The following SP110 variants were observed in gnomAD, a reference collection of about 807,000 sequenced individuals.
The protein encoded by SP110 is SP110 nuclear body protein.
In SP110, 62 loss-of-function variants were observed where a neutral mutation model predicts 92.7. The ratio of observed to expected loss-of-function variants is 0.67; its 90% CI spans 0.55 to 0.83. SP110 has a LOEUF of 0.83. Among genes scored for constraint, SP110 ranks in the 40% least tolerant of loss-of-function variants. The pLI is 0.00. For missense variants in SP110, 793 were observed against 863.9 expected (o/e 0.92, Z 1.03); for synonymous variants, 273 against 305.3 (o/e 0.89, Z 1.10).
At chr2:230,216,689 C>T in intron 2 of SP110, 92 bp downstream of exon 2, 2 of 1,517,444 alleles carry the variant, frequency 1.3e-6, no homozygotes, top group South Asian at 2.3e-5. Context: ...CTTCCAAACT[C>T]TGGAAGCCCT....
At chr2:230,194,495 G>A (rs943067389) in intron 10 of SP110, among the ~76,000 whole-genome samples, 2 of 152,068 alleles carry the variant, frequency 1.3e-5, no homozygotes, top group Non-Finnish European at 2.9e-5. Context: ...AACAGAAAGG[G>A]AAGAGGGAGA....
upstream of SP110, among the ~76,000 whole-genome samples, chr2:230,224,450 A>AGAGGGAGAGGGAGGGAGAGG: frequency 1.2e-5 from 1 of 81,292 alleles, no homozygotes; most frequent in Non-Finnish European, 2.3e-5. Context: ...GGAGGGAGAG[A>AGAGGGAGAGGGAGGGAGAGG]GAGGGAGAGG....
intron 10 of SP110, among the ~76,000 whole-genome samples, chr2:230,186,487 T>C (rs2042364674): frequency 6.6e-6 from 1 of 151,512 alleles, no homozygotes; most frequent in Non-Finnish European, 1.5e-5. Context: ...TTTGAAAATA[T>C]TAAATGTATT....
chr2:230,222,845 T>G (rs1324173592), upstream of SP110, among the ~76,000 whole-genome samples: 8 of 151,288 alleles, frequency 5.3e-5, no homozygotes, highest in Non-Finnish European at 1.2e-4. Flanking sequence ...TTAAAGTTTT[T>G]TTTTTTTTTT....
At position 230,171,769 on chromosome 2, in the gene SP110, T is replaced by A. The variant is rs570960908; in HGVS notation, c.1816-2A>T. 144 of 1,608,148 alleles carry A rather than the reference T, an allele frequency of 9.0e-5. 2 individuals are homozygous for A. The South Asian group carries it at 1.4e-3, about 16-fold the overall frequency. On this transcript the variant is annotated splice_acceptor_variant, in intron 16 of 18. Transcript: ENST00000258381. LOFTEE classifies it high-confidence loss of function. The stretch of plus-strand genomic sequence containing the variant: ...CTTCAAGAGGAGGAACTCACATTTC[T>A]GTAAAATGTGAAGAGGGCTTGAAAG...
At chr2:230,208,114 A>T (rs749672134) in intron 7 of SP110, 55 bp from the exon 8 acceptor site, 8 of 993,378 alleles carry the variant, frequency 8.1e-6, no homozygotes, top group Non-Finnish European at 1.3e-5. Flanking sequence ...CCAATCTTGT[A>T]TGTCAATGAT....
rs368862360 is a variant in SP110 at position 230,172,827 on chromosome 2, G to T, written c.1706+17C>A. On this transcript the variant is annotated intron_variant, in intron 15 of 18. Transcript: ENST00000258381. Reference sequence around the variant, plus strand: ...GGTGAGTGCTGTGTGCCCGAGGCGGGGCTGCATCCCACTCACCTCTTGGCT... The same window carrying T: ...GGTGAGTGCTGTGTGCCCGAGGCGGTGCTGCATCCCACTCACCTCTTGGCT... 1.9e-5 allele frequency: 30 copies of T among 1,543,426 alleles called. No individual in the cohort carries two copies. Among genetic ancestry groups the T allele is most frequent in the Non-Finnish European group, 2.7e-5 (30 of 1,115,764 alleles).
intron 14 of SP110, among the ~76,000 whole-genome samples, chr2:230,175,895 G>A (rs2041834867): frequency 6.7e-6 from 1 of 149,592 alleles, no homozygotes; most frequent in African/African-American, 2.5e-5. Context: ...TTCATATACT[G>A]TTCCTGTCTA....
intron 9 of SP110, 44 bp from the exon 10 acceptor site, chr2:230,201,009 A>G (rs1027472092): frequency 4.1e-6 from 6 of 1,457,744 alleles, no homozygotes; most frequent in Non-Finnish European, 4.8e-6. Context: ...GGGAAACACC[A>G]TGGAGAATCT....
intron 8 of SP110, among the ~76,000 whole-genome samples, chr2:230,205,250 C>T (rs2043639498): frequency 6.6e-6 from 1 of 152,284 alleles, no homozygotes; most frequent in South Asian, 2.1e-4. Flanking sequence ...CTACAACAGG[C>T]TCCCAAGGGC....
At chr2:230,218,390 A>G (rs1342189283) in intron 1 of SP110, among the ~76,000 whole-genome samples, 5 of 152,208 alleles carry the variant, frequency 3.3e-5, no homozygotes, top group African/African-American at 9.7e-5. Context: ...AAAACAAGAA[A>G]AGATGCCATT....
At chr2:230,225,126 A>T (rs1471785227) in intron 1 of SP110, among the ~76,000 whole-genome samples, 1 of 152,190 alleles carries the variant, frequency 6.6e-6, no homozygotes, top group African/African-American at 2.4e-5. Flanking sequence ...TCTCCTCAAG[A>T]TTTCAGTGAA....
rs188029062 is a variant in SP110, at chr2:230,184,344, T to C, written c.1280-704A>G. On this transcript the variant is annotated intron_variant, in intron 11 of 18. Transcript: ENST00000258381. ...GGAGGAAGTAATGGGCATAAAGCAG[T>C]GGTTAACACTGGGTGATTTTGCTCT... 1.2e-4 allele frequency among the ~76,000 whole-genome samples: 19 copies of C among 152,202 alleles called. 1 individual carries two copies. The East Asian group carries it at 3.5e-3, about 28-fold the overall frequency.
chr2:230,209,825 A>G (rs2044273130), intron 7 of SP110, 106 bp downstream of exon 7: 2 of 775,712 alleles, frequency 2.6e-6, no homozygotes, highest in Non-Finnish European at 4.7e-6. Flanking sequence ...GTGTGGCATC[A>G]GGACTGTGGT....
chr2:230,199,501 G>A (rs1985603), intron 10 of SP110, among the ~76,000 whole-genome samples: 22,888 of 151,912 alleles, frequency 0.15, 2,126 homozygotes, highest in South Asian at 0.27. Flanking sequence ...GAGCCACTGT[G>A]CTGGGCCAGC....
At chr2:230,195,345 G>T (rs12474611) in intron 10 of SP110, among the ~76,000 whole-genome samples, 3 of 152,112 alleles carry the variant, frequency 2.0e-5, no homozygotes, top group East Asian at 1.9e-4. Flanking sequence ...CATTTAAAAA[G>T]TTTTTTGGGG....
chr2:230,213,219 G>A (rs1215256372), intron 3 of SP110, among the ~76,000 whole-genome samples, 192 bp from the exon 4 acceptor site: 1 of 152,058 alleles, frequency 6.6e-6, no homozygotes, highest in Admixed American at 6.5e-5. Context: ...TCTGGTTTGG[G>A]CATTGAGTGC....
chr2:230,176,474 G>C lies in SP110; in HGVS notation c.1590+1064C>G. 3.4e-6 allele frequency: 5 copies of C among 1,462,684 alleles called. No homozygotes were observed. In the South Asian group the frequency reaches 4.3e-5, roughly 13 times the overall value. The allele number at this position is 1,462,684 out of a possible 1,614,324, so 90.6% of individuals were successfully genotyped here. ...TTTTTCTAAAACACATGGACATGAT[G>C]AGCTTTTTCATTTAATTTTTATTTT... On this transcript the variant is annotated intron_variant, in intron 14 of 18. Transcript: ENST00000258381.
Position 230,169,109 on chromosome 2 carries a change from CTT to C in SP110, c.*13_*14del. On this transcript the variant is annotated 3_prime_UTR_variant, in exon 19 of 19. Coordinates refer to ENST00000258381, the MANE Select transcript of SP110 (RefSeq NM_080424.4). ...AATCCTGAGGTGGGGATGCTTCAGT[CTT>C]TACAGAACAGGGTCAAGGAAGAGTC... 6.4e-7 allele frequency: 1 copy of C among 1,553,356 alleles called. No individual in the cohort carries two copies. Among genetic ancestry groups the C allele is most frequent in the South Asian group, 1.1e-5 (1 of 89,840 alleles).
Sources: gnomAD v4.1 joint callset for allele counts (sites outside exome capture counted in the v4.1 genomes callset) on GRCh38, gnomAD v4.1.1 for gene constraint, MANE v1.5 for transcripts, NCBI Gene and HGNC (gene_info 2026-07-23, HGNC 2026-07-21) for gene names.